Variants in ZNF516 observed in about 807,000 individuals in gnomAD.
ZNF516 encodes zinc finger protein 516.
A neutral mutation model predicts 79.7 loss-of-function variants in ZNF516; 19 were observed. That is an observed-to-expected ratio of 0.24 (90% CI 0.17 to 0.35). The LOEUF is 0.35. ZNF516 is among the 10% of genes least tolerant of loss of function. The probability of loss-of-function intolerance (pLI) is 1.00; values close to 1 mark genes in which losing one functional copy is unlikely to be tolerated. For missense variants in ZNF516, 1,678 were observed against 1,679.5 expected, an observed-to-expected ratio of 1.00 and a Z score of 0.02; for synonymous variants, 877 against 739.5, an observed-to-expected ratio of 1.19 and a Z score of -3.02.
chr18:76,391,617 T>A (rs2075075707), intron 3 of ZNF516, among the ~76,000 whole-genome samples: 1 of 152,126 alleles, frequency 6.6e-6, no homozygotes, highest in African/African-American at 2.4e-5. Context: ...CACAGCCCCA[T>A]CCCAGACACG....
chr18:76,372,727 T>A (rs1039286995), intron 4 of ZNF516: 14 of 152,250 alleles, frequency 9.2e-5, no homozygotes, highest in African/African-American at 3.4e-4. Context: ...GCACATCTTG[T>A]CAAATTTCTT....
chr18:76,430,604 T>C (rs1202454924), intron 3 of ZNF516, among the ~76,000 whole-genome samples: 1 of 152,244 alleles, frequency 6.6e-6, no homozygotes, highest in African/African-American at 2.4e-5. Flanking sequence ...AGCATGTATG[T>C]AAGTTTTCTA....
intron 4 of ZNF516, among the ~76,000 whole-genome samples, chr18:76,377,772 G>A (rs1267051785): frequency 4.7e-5 from 7 of 149,966 alleles, no homozygotes; most frequent in South Asian, 2.1e-4. Context: ...CTGGAGTGCA[G>A]TGGCACGATC....
At chr18:76,440,568 G>C (rs562695880) in intron 3 of ZNF516, among the ~76,000 whole-genome samples, 32 of 152,224 alleles carry the variant, frequency 2.1e-4, no homozygotes, top group Admixed American at 2.0e-4. Flanking sequence ...TGAAAACAAA[G>C]TTGGCCAAGC....
Position 76,441,526 on chromosome 18 carries a change from C to G in ZNF516, c.1529G>C (p.Gly510Ala), listed in dbSNP as rs2075821520. The change falls in exon 3 of 7, where the codon GGC becomes GCC. Residue 510 changes from glycine (G) to alanine (A), a missense_variant. Gly to Ala is a moderately conservative substitution (Grantham distance 60). This residue lies in a region of ZNF516 where 1,294 missense variants were observed against 1,248.3 expected (regional missense o/e 1.04). Transcript: ENST00000443185. Reference protein sequence around the residue: ...RPNRRAAATTGQGKSSECFEC... With the variant: ...RPNRRAAATTAQGKSSECFEC... Reference sequence around the variant, plus strand: ...GAAGCACTCGGAGGACTTGCCCTGGCCGGTGGTGGCTGCGGCCCTGCGGTT... The same window carrying G: ...GAAGCACTCGGAGGACTTGCCCTGGGCGGTGGTGGCTGCGGCCCTGCGGTT... The G allele has an allele frequency of 6.3e-7, 1 of 1,578,124 alleles. No homozygotes were observed. The highest frequency in any genetic ancestry group is 1.4e-5 in the African/African-American group (1 of 73,172).
intron 6 of ZNF516, among the ~76,000 whole-genome samples, chr18:76,364,691 G>A (rs1461439400): frequency 6.6e-6 from 1 of 151,806 alleles, no homozygotes; most frequent in African/African-American, 2.4e-5. Flanking sequence ...CAAAAAACCT[G>A]CCATGCCCCA....
intron 2 of ZNF516, among the ~76,000 whole-genome samples, chr18:76,458,751 C>T (rs1028765789): frequency 1.4e-5 from 2 of 145,500 alleles, no homozygotes; most frequent in African/African-American, 5.2e-5. Flanking sequence ...CCAGGCCTCA[C>T]CGTCGTGCGT....
At chr18:76,390,242 A>C (rs2075051826) in intron 3 of ZNF516, among the ~76,000 whole-genome samples, 1 of 152,216 alleles carries the variant, frequency 6.6e-6, no homozygotes, top group Admixed American at 6.5e-5. Context: ...CACCCCAGGT[A>C]GTTGGGTACT....
intron 2 of ZNF516, among the ~76,000 whole-genome samples, chr18:76,452,276 T>A (rs1912459850): frequency 6.6e-6 from 1 of 152,076 alleles, no homozygotes; most frequent in Non-Finnish European, 1.5e-5. Flanking sequence ...TAGAGGTAAG[T>A]CTCCAGCCGG....
In ZNF516 at chr18:76,493,161, G is replaced by C; in HGVS notation, c.-272+1983C>G. On this transcript the variant is annotated intron_variant, in intron 1 of 6. Transcript: ENST00000443185. The surrounding 1 kb of genome is among the most constrained non-coding windows in gnomAD (Gnocchi z 5.2). Reference sequence around the variant, plus strand: ...AATGGTAAAACAACAGCAGAGCTCTGAAAGTTAGCCATCTGCGCAGAGTTT... The same window carrying C: ...AATGGTAAAACAACAGCAGAGCTCTCAAAGTTAGCCATCTGCGCAGAGTTT... 12 of 985,242 alleles carry C rather than the reference G, an allele frequency of 1.2e-5. No individual in the cohort carries two copies. The highest frequency in any genetic ancestry group is 1.4e-5 in the Non-Finnish European group (12 of 829,886). The allele number at this position is 985,242 out of a possible 1,614,324, so 61.0% of individuals were successfully genotyped here. A position where few individuals can be genotyped will look rare whatever the true frequency, so the allele number is the denominator to read the frequency against.
At chr18:76,488,119 T>G in intron 1 of ZNF516, 1 of 984,648 alleles carries the variant, frequency 1.0e-6, no homozygotes, top group Non-Finnish European at 1.2e-6. Flanking sequence ...GGGAGATGTA[T>G]TCCAACCATC....
intron 2 of ZNF516, among the ~76,000 whole-genome samples, chr18:76,448,399 C>T (rs1460276827): frequency 6.6e-6 from 1 of 152,160 alleles, no homozygotes; most frequent in Non-Finnish European, 1.5e-5. Context: ...GCCTTTTTGA[C>T]CTAATAATAC....
At chr18:76,386,214 T>A (rs554457010) in intron 3 of ZNF516, 1 of 152,232 alleles carries the variant, frequency 6.6e-6, no homozygotes, top group Admixed American at 6.5e-5. Flanking sequence ...TGGGGGGCTG[T>A]GGTGTTTTGC....
intron 1 of ZNF516, among the ~76,000 whole-genome samples, chr18:76,475,523 A>C (rs188590199): frequency 2.5e-4 from 38 of 152,326 alleles, no homozygotes; most frequent in Non-Finnish European, 5.9e-5. Flanking sequence ...ACAAGTGCAC[A>C]AACTCGTATA....
At chr18:76,496,280 C>T, upstream of ZNF516, 1 of 1,288,674 alleles carries the variant, frequency 7.8e-7, no homozygotes, top group African/African-American at 1.5e-5. Context: ...TCCCACCAGG[C>T]TCCTGGCCGT....
chr18:76,487,852 C>T lies in ZNF516; in HGVS notation c.-272+7292G>A, dbSNP rs550045819. On this transcript the variant is annotated intron_variant, in intron 1 of 6. Coordinates refer to ENST00000443185, the MANE Select transcript of ZNF516 (RefSeq NM_014643.4). ...CCTCTATGGCCCCTAGATACATTCC[C>T]GTAATAGGCTGCTGCCACTACACTT... 1.2e-5 allele frequency: 10 copies of T among 826,176 alleles called. No individual in the cohort carries two copies. The South Asian group carries it at 2.7e-4, about 23-fold the overall frequency. 51.2% of individuals were successfully genotyped at this position (826,176 alleles called of 1,614,324 possible).
intron 1 of ZNF516, chr18:76,488,035 C>T: frequency 1.0e-6 from 1 of 985,406 alleles, no homozygotes; most frequent in East Asian, 1.1e-4. Context: ...GCTGCACAAA[C>T]AGAGGCTTGT....
chr18:76,369,706 A>T (rs759092581), intron 6 of ZNF516, among the ~76,000 whole-genome samples: 2 of 152,158 alleles, frequency 1.3e-5, no homozygotes, highest in Non-Finnish European at 2.9e-5. Flanking sequence ...GAATTCCACC[A>T]CCCAGACACG....
At chr18:76,408,074 A>G (rs1275156565) in intron 3 of ZNF516, among the ~76,000 whole-genome samples, 6 of 152,114 alleles carry the variant, frequency 3.9e-5, no homozygotes, top group African/African-American at 1.4e-4. Context: ...TTTTTCCCAT[A>G]TGGTTCATGG....
Sources: gnomAD v4.1 joint callset for allele counts (sites outside exome capture counted in the v4.1 genomes callset) on GRCh38, gnomAD v4.1.1 for gene constraint, gnomAD v4.1.1 regional missense constraint, Gnocchi (gnomAD v3.1) non-coding constraint, MANE v1.5 for transcripts, NCBI Gene and HGNC (gene_info 2026-07-23, HGNC 2026-07-21) for gene names.